DOCK3: variants seen among roughly 807,000 people sequenced by gnomAD.
The protein encoded by DOCK3 is dedicator of cytokinesis 3.
In DOCK3, 60 loss-of-function variants were observed where a neutral mutation model predicts 265.6. The ratio of observed to expected loss-of-function variants is 0.23; its 90% CI spans 0.18 to 0.28. The LOEUF (loss-of-function observed/expected upper bound fraction) is 0.28, where lower values mean the gene tolerates loss of function less well. Ranked by LOEUF, DOCK3 falls within the 10% of genes least tolerant of loss-of-function variation. The pLI is 1.00. For synonymous variants in DOCK3, 881 were observed against 938.0 expected (o/e 0.94, Z 1.11); for missense variants, 1,981 against 2,594.3 (o/e 0.76, Z 5.14).
intron 5 of DOCK3, among the ~76,000 whole-genome samples, chr3:50,934,285 C>G (rs2051234652): frequency 6.6e-6 from 1 of 152,172 alleles, no homozygotes; most frequent in African/African-American, 2.4e-5. Flanking sequence ...TTTCTCTCCT[C>G]CAGTCACTGG....
chr3:51,059,539 A>G (rs1199598743), intron 5 of DOCK3, among the ~76,000 whole-genome samples: 1 of 151,740 alleles, frequency 6.6e-6, no homozygotes, highest in African/African-American at 2.4e-5. Flanking sequence ...AGATCTCAGA[A>G]CTACCTAGCA....
intron 2 of DOCK3, among the ~76,000 whole-genome samples, chr3:50,785,814 T>A (rs1252791333): frequency 6.6e-6 from 1 of 152,218 alleles, no homozygotes; most frequent in African/African-American, 2.4e-5. Context: ...ATTAAGGTGA[T>A]ACTGGCTTTA....
At chr3:51,070,080 T>G (rs1313528550) in intron 6 of DOCK3, among the ~76,000 whole-genome samples, 1 of 152,220 alleles carries the variant, frequency 6.6e-6, no homozygotes, top group Non-Finnish European at 1.5e-5. Flanking sequence ...ATCGACTGAC[T>G]AACACACACT....
rs559739775 is a variant in DOCK3 at position 51,318,872 on chromosome 3, A to G, written c.3402+3744A>G. Among the ~76,000 whole-genome samples the G allele has an allele frequency of 2.0e-5, 3 of 152,256 alleles. No individual in the cohort carries two copies. In the South Asian group the frequency reaches 6.2e-4, roughly 32 times the overall value. ...AATTTTATTTTTGTTTCTAGGATAT[A>G]GAAATTCAACTGATTTTTATATATT... On this transcript the variant is annotated intron_variant, in intron 32 of 52. Transcript: ENST00000266037.
chr3:51,298,700 A>G (rs1353476866), intron 27 of DOCK3, among the ~76,000 whole-genome samples: 2 of 152,162 alleles, frequency 1.3e-5, no homozygotes, highest in Non-Finnish European at 2.9e-5. Flanking sequence ...GCTGAGGATA[A>G]TGGCTTCCAG....
intron 32 of DOCK3, among the ~76,000 whole-genome samples, chr3:51,323,613 A>G (rs760574771): frequency 1.3e-5 from 2 of 152,224 alleles, no homozygotes; most frequent in Non-Finnish European, 2.9e-5. Context: ...GAAGGCAGAA[A>G]TAAAGATGTG....
In DOCK3 at chr3:50,675,401, C is replaced by G. The variant is rs1200456758; in HGVS notation, c.37+101C>G. ...ATCCTCGTGCCCCCGCCACTGCCCG[C>G]AGGCTGCGCGGCCTCGGCGCGGGGC... On this transcript the variant is annotated intron_variant, in intron 1 of 52. Coordinates refer to ENST00000266037, the MANE Select transcript of DOCK3 (RefSeq NM_004947.5). The surrounding 1 kb of genome is among the most constrained non-coding windows in gnomAD (Gnocchi z 6.1). 1.9e-6 allele frequency: 2 copies of G among 1,061,072 alleles called. No individual in the cohort carries two copies. Among genetic ancestry groups the G allele is most frequent in the Non-Finnish European group, 2.4e-6 (2 of 849,004 alleles). The allele number at this position is 1,061,072 out of a possible 1,614,324, so 65.7% of individuals were successfully genotyped here.
chr3:50,908,094 A>G (rs2049632969), intron 4 of DOCK3, among the ~76,000 whole-genome samples: 1 of 149,036 alleles, frequency 6.7e-6, no homozygotes, highest in African/African-American at 2.5e-5. Context: ...AATTGTGTCT[A>G]TTTGATTCTC....
chr3:50,754,755 C>T (rs1334177002), intron 1 of DOCK3, among the ~76,000 whole-genome samples: 1 of 151,918 alleles, frequency 6.6e-6, no homozygotes, highest in Non-Finnish European at 1.5e-5. Context: ...GATGGGGTTT[C>T]ACCATGTTGG....
At chr3:51,118,386 T>C (rs1309170565) in intron 9 of DOCK3, among the ~76,000 whole-genome samples, 2 of 152,208 alleles carry the variant, frequency 1.3e-5, no homozygotes, top group Admixed American at 6.5e-5. Flanking sequence ...AGTTATGTGG[T>C]CAATTTTCGA....
intron 22 of DOCK3, among the ~76,000 whole-genome samples, chr3:51,256,292 A>G (rs2079542249): frequency 6.6e-6 from 1 of 152,190 alleles, no homozygotes; most frequent in African/African-American, 2.4e-5. Context: ...TTTGAGACAC[A>G]GTCTCACTTA....
chr3:51,181,128 G>T (rs746913724), intron 12 of DOCK3, among the ~76,000 whole-genome samples: 60 of 152,126 alleles, frequency 3.9e-4, no homozygotes, highest in Non-Finnish European at 7.5e-4. Context: ...TGTAAAAGAA[G>T]AAATAGCTTT....
chr3:51,096,978 A>G (rs1028490966), intron 9 of DOCK3, among the ~76,000 whole-genome samples: 1 of 152,176 alleles, frequency 6.6e-6, no homozygotes, highest in African/African-American at 2.4e-5. Flanking sequence ...TTCCTCTGGA[A>G]GCTTCGTCCC....
intron 5 of DOCK3, among the ~76,000 whole-genome samples, chr3:51,055,888 G>T (rs1230202488): frequency 6.6e-6 from 1 of 152,172 alleles, no homozygotes; most frequent in African/African-American, 2.4e-5. Flanking sequence ...GAGCTATAAT[G>T]CTATTTGTTA....
At chr3:51,078,634 C>T (rs1215541814) in intron 7 of DOCK3, among the ~76,000 whole-genome samples, 1 of 152,140 alleles carries the variant, frequency 6.6e-6, no homozygotes, top group African/African-American at 2.4e-5. Context: ...GCATTACCTT[C>T]AAAATTCTGA....
At chr3:50,708,556 C>T (rs1343520931) in intron 1 of DOCK3, among the ~76,000 whole-genome samples, 26 of 152,204 alleles carry the variant, frequency 1.7e-4, no homozygotes, top group Admixed American at 1.7e-3. Flanking sequence ...TATGCTGTGG[C>T]TGCTTGTGCC....
intron 32 of DOCK3, among the ~76,000 whole-genome samples, chr3:51,329,698 A>G (rs2084389669): frequency 6.6e-6 from 1 of 152,216 alleles, no homozygotes; most frequent in Admixed American, 6.5e-5. Context: ...CATTAGAGTG[A>G]GGACAAGCTC....
At chr3:51,343,418 G>A (rs1416555110) in intron 38 of DOCK3, among the ~76,000 whole-genome samples, 1 of 152,160 alleles carries the variant, frequency 6.6e-6, no homozygotes, top group African/African-American at 2.4e-5. Flanking sequence ...CCTCCAGTGG[G>A]ATCAAGGCTC....
intron 35 of DOCK3, among the ~76,000 whole-genome samples, chr3:51,337,341 A>G (rs2084937693): frequency 1.3e-5 from 2 of 152,216 alleles, no homozygotes; most frequent in Admixed American, 1.3e-4. Context: ...ATGACCATCC[A>G]GAGGCTCAGT....
Sources: gnomAD v4.1 joint callset for allele counts (sites outside exome capture counted in the v4.1 genomes callset) on GRCh38, gnomAD v4.1.1 for gene constraint, Gnocchi (gnomAD v3.1) non-coding constraint, MANE v1.5 for transcripts, NCBI Gene and HGNC (gene_info 2026-07-23, HGNC 2026-07-21) for gene names.